Variants in DMD observed in about 807,000 individuals in gnomAD.
The protein encoded by DMD is mutant dystrophin.
In DMD, 63 loss-of-function variants were observed where a neutral mutation model predicts 330.1. The ratio of observed to expected loss-of-function variants is 0.19; its 90% confidence interval spans 0.16 to 0.24. The LOEUF is 0.24. Ranked by LOEUF, DMD falls within the 10% of genes least tolerant of loss-of-function variation. The pLI, the probability that DMD is intolerant of heterozygous loss-of-function variation, is 1.00. For missense variants in DMD, 3,344 were observed against 2,684.1 expected, an observed-to-expected ratio of 1.25 and a Z score of -5.43; for synonymous variants, 1,223 against 959.8, an observed-to-expected ratio of 1.27 and a Z score of -5.07.
At chrX:31,641,497 G>A (rs1323251316) in intron 54 of DMD, among the ~76,000 whole-genome samples, 3 of 77,155 alleles carry the variant, frequency 3.9e-5, no homozygotes, top group Admixed American at 1.8e-4. Context: ...GCGAGACTCC[G>A]TCTCAAAAAA....
chrX:32,902,986 A>G (rs2149306578), intron 2 of DMD, among the ~76,000 whole-genome samples: 1 of 106,993 alleles, frequency 9.3e-6, no homozygotes, highest in African/African-American at 3.5e-5. Flanking sequence ...ATGAAACCCC[A>G]TCTCTACTAA....
intron 51 of DMD, among the ~76,000 whole-genome samples, chrX:31,750,429 A>G (rs1219871725): frequency 9.1e-6 from 1 of 109,739 alleles, no homozygotes; most frequent in Non-Finnish European, 1.9e-5. Context: ...TGTTTTTCTC[A>G]GGTTTGTCAA....
chrX:33,098,526 A>C (rs984464393), intron 1 of DMD, among the ~76,000 whole-genome samples: 1 of 111,141 alleles, frequency 9.0e-6, no homozygotes, highest in Non-Finnish European at 1.9e-5. Context: ...GTAGCACGGC[A>C]CTAAAGACTT....
In DMD at chrX:32,585,772, A is replaced by G. The variant is rs2054222625; in HGVS notation, c.1602+9985T>C. On this transcript the variant is annotated intron_variant, in intron 13 of 78. Transcript: ENST00000357033. ...GCATACTTGCTTATATTTCCCCTGT[A>G]ATTTTGTATGGTGGGTATTATGATC... Among the ~76,000 whole-genome samples, 2 of 103,690 alleles carry G rather than the reference A, an allele frequency of 1.9e-5. 1 individual carries two copies. The highest frequency in any genetic ancestry group is 9.0e-4 in the South Asian group (2 of 2,225). The allele number at this position is 103,690 out of a possible 115,157, so 90.0% of individuals were successfully genotyped here.
At chrX:32,723,489 A>C (rs759205647) in intron 7 of DMD, among the ~76,000 whole-genome samples, 1 of 111,647 alleles carries the variant, frequency 9.0e-6, no homozygotes, top group East Asian at 2.8e-4. Flanking sequence ...TTAAGAACAA[A>C]TGGTATAAAT....
chrX:33,150,708 G>A (rs1236532258), intron 1 of DMD, among the ~76,000 whole-genome samples: 2 of 108,716 alleles, frequency 1.8e-5, no homozygotes, highest in African/African-American at 6.7e-5. Flanking sequence ...TTCTTGTCTC[G>A]TTCTGATTTA....
At chrX:31,125,768 C>G (rs1334374476) in intron 78 of DMD, among the ~76,000 whole-genome samples, 1 of 112,179 alleles carries the variant, frequency 8.9e-6, no homozygotes, top group African/African-American at 3.2e-5. Flanking sequence ...TAAGACTGCA[C>G]CCTATCCCTT....
intron 44 of DMD, among the ~76,000 whole-genome samples, chrX:32,152,628 T>C (rs1718046): frequency 3.9e-4 from 44 of 112,077 alleles, no homozygotes; most frequent in Middle Eastern, 4.6e-3. Context: ...GTGGATGGTA[T>C]AGTCTCCAGA....
intron 24 of DMD, 53 bp downstream of exon 24, chrX:32,464,533 A>G: frequency 1.0e-6 from 1 of 956,781 alleles, no homozygotes. Flanking sequence ...GATCTAACCA[A>G]ATAATATTCA....
chrX:32,803,475 C>G (rs1375603151), intron 7 of DMD, among the ~76,000 whole-genome samples: 1 of 107,815 alleles, frequency 9.3e-6, no homozygotes, highest in East Asian at 2.9e-4. Flanking sequence ...TTCAGTTCTG[C>G]TCTTAGTTAT....
intron 44 of DMD, among the ~76,000 whole-genome samples, chrX:32,151,588 G>C (rs2096803708): frequency 9.0e-6 from 1 of 111,672 alleles, no homozygotes; most frequent in Non-Finnish European, 1.9e-5. Flanking sequence ...AGCAAAGGCA[G>C]CAGAATTTAG....
intron 1 of DMD, among the ~76,000 whole-genome samples, chrX:33,269,537 C>T (rs746584520): frequency 9.0e-6 from 1 of 110,820 alleles, no homozygotes; most frequent in South Asian, 3.9e-4. Flanking sequence ...TGCATGTGTA[C>T]TCCCTGTATG....
intron 15 of DMD, among the ~76,000 whole-genome samples, chrX:32,570,999 C>A (rs1425787861): frequency 1.8e-5 from 2 of 111,767 alleles, no homozygotes; most frequent in East Asian, 5.6e-4. Flanking sequence ...ATCCTCATCT[C>A]AGATGCTTTG....
At chrX:33,303,976 AT>A (rs2053712075) in intron 1 of DMD, among the ~76,000 whole-genome samples, 1 of 111,288 alleles carries the variant, frequency 9.0e-6, no homozygotes, top group African/African-American at 3.3e-5. Flanking sequence ...TTATCAACAA[AT>A]TTTTCCATTA....
intron 2 of DMD, among the ~76,000 whole-genome samples, chrX:32,983,946 C>T (rs2092777613): frequency 9.0e-6 from 1 of 111,273 alleles, no homozygotes; most frequent in African/African-American, 3.3e-5. Flanking sequence ...CAGCAATTTA[C>T]TAAGTTATTT....
chrX:32,854,586 A>AAAG (rs1557088867), intron 2 of DMD, among the ~76,000 whole-genome samples: 68 of 107,494 alleles, frequency 6.3e-4, no homozygotes, highest in African/African-American at 2.1e-3. Context: ...AAAAAAAAAA[A>AAAG]AGAGAAACAA....
rs138745486 is a variant in DMD at position 32,417,211 on chromosome X, A to C, written c.4072-5298T>G. ...TAGCAGGGCATAGCAAAGGGCTTAC[A>C]AAAGAGCTGGGAAAACTGGCCCTGC... On this transcript the variant is annotated intron_variant, in intron 29 of 78. Coordinates refer to ENST00000357033, the MANE Select transcript of DMD (RefSeq NM_004006.3). Among the ~76,000 whole-genome samples the C allele has an allele frequency of 2.4e-3, 265 of 111,718 alleles. 1 individual carries two copies. The highest frequency in any genetic ancestry group is 8.4e-3 in the African/African-American group (258 of 30,761).
chrX:32,587,210 T>C (rs368599454), intron 13 of DMD, among the ~76,000 whole-genome samples: 204 of 112,033 alleles, frequency 1.8e-3, no homozygotes, highest in African/African-American at 6.3e-3. Context: ...CAACTACCTT[T>C]CACAGTATAG....
intron 55 of DMD, among the ~76,000 whole-genome samples, chrX:31,606,917 G>A (rs902633008): frequency 8.9e-6 from 1 of 111,801 alleles, no homozygotes; most frequent in African/African-American, 3.2e-5. Context: ...AATAAATTCC[G>A]ATCAACAGAT....
Sources: allele counts gnomAD v4.1 joint callset (sites outside exome capture counted in the v4.1 genomes callset), GRCh38; gene constraint gnomAD v4.1.1; transcripts MANE v1.5; gene names NCBI Gene and HGNC (gene_info 2026-07-23, HGNC 2026-07-21).